The following DLC1 variants were observed in gnomAD, a reference collection of about 807,000 sequenced individuals.
DLC1 encodes the protein DLC1 Rho GTPase activating protein.
In DLC1, 54 loss-of-function variants were observed where a neutral mutation model predicts 140.3. The observed-to-expected ratio is 0.38, with a 90% CI of 0.31 to 0.48. The LOEUF (loss-of-function observed/expected upper bound fraction) is 0.48. DLC1 is among the 20% of genes least tolerant of loss of function. The pLI, the probability that DLC1 is intolerant of heterozygous loss-of-function variation, is 0.96. For missense variants in DLC1, 2,536 were observed against 1,907.0 expected (o/e 1.33, Z -6.14); for synonymous variants, 986 against 728.1 (o/e 1.35, Z -5.70).
At chr8:13,335,902 A>G (rs1343487696) in intron 4 of DLC1, among the ~76,000 whole-genome samples, 1 of 38,892 alleles carries the variant, frequency 2.6e-5, no homozygotes, top group Non-Finnish European at 7.1e-5. Flanking sequence ...ATTTCAAAAT[A>G]TGATTTTTTT....
chr8:13,086,631 G>A (rs1014198744), intron 16 of DLC1, among the ~76,000 whole-genome samples, 168 bp from the exon 17 acceptor site: 2 of 152,210 alleles, frequency 1.3e-5, no homozygotes, highest in African/African-American at 4.8e-5. Context: ...TTGCTATGGT[G>A]TACATGTGTT....
At chr8:13,105,177 G>A (rs973893504) in intron 7 of DLC1, among the ~76,000 whole-genome samples, 1 of 152,136 alleles carries the variant, frequency 6.6e-6, no homozygotes, top group Non-Finnish European at 1.5e-5. Flanking sequence ...AGACCCAGGA[G>A]GCCAGTTCTA....
intron 2 of DLC1, among the ~76,000 whole-genome samples, chr8:13,413,061 G>A (rs2117306123): frequency 6.6e-6 from 1 of 151,954 alleles, no homozygotes; most frequent in South Asian, 2.1e-4. Context: ...GTCCTTGTGC[G>A]GGGCATAACC....
chr8:13,544,471 A>G (rs1159013448), intron 1 of DLC1, among the ~76,000 whole-genome samples: 1 of 152,166 alleles, frequency 6.6e-6, no homozygotes, highest in South Asian at 2.1e-4. Context: ...GGTCTGAGAA[A>G]ATGAACTTTA....
chr8:13,159,055 T>A (rs1197197961), intron 5 of DLC1, among the ~76,000 whole-genome samples: 1 of 152,122 alleles, frequency 6.6e-6, no homozygotes, highest in Non-Finnish European at 1.5e-5. Context: ...CAGGCAGAGA[T>A]AGGAGTTTTG....
intron 2 of DLC1, among the ~76,000 whole-genome samples, chr8:13,437,176 A>G: frequency 6.6e-6 from 1 of 152,164 alleles, no homozygotes; most frequent in East Asian, 1.9e-4. Context: ...TGACAAGTTG[A>G]GAAGTGAAGG....
intron 1 of DLC1, among the ~76,000 whole-genome samples, chr8:13,546,433 T>C (rs1458191794): frequency 2.0e-5 from 3 of 152,162 alleles, no homozygotes; most frequent in Non-Finnish European, 2.9e-5. Flanking sequence ...TTGCATCCTT[T>C]ATATTGAACT....
At chr8:13,459,166 G>T (rs1799544127) in intron 2 of DLC1, among the ~76,000 whole-genome samples, 1 of 152,162 alleles carries the variant, frequency 6.6e-6, no homozygotes, top group Admixed American at 6.5e-5. Context: ...CTAAAAATTA[G>T]TTCTCTTGAA....
intron 2 of DLC1, among the ~76,000 whole-genome samples, chr8:13,468,325 T>TTCCCCCCCCC (rs1800038221): frequency 9.0e-6 from 1 of 111,632 alleles, no homozygotes; most frequent in Non-Finnish European, 2.1e-5. Context: ...TTCTCTCTCT[T>TTCCCCCCCCC]TCCCTTCCCC....
intron 1 of DLC1, among the ~76,000 whole-genome samples, chr8:13,538,403 C>T (rs749885014): frequency 6.6e-6 from 1 of 151,924 alleles, no homozygotes; most frequent in Non-Finnish European, 1.5e-5. Flanking sequence ...TATTTCAGAT[C>T]TGGTGAGACT....
intron 1 of DLC1, among the ~76,000 whole-genome samples, chr8:13,534,480 A>G (rs1803203161): frequency 6.6e-6 from 1 of 152,204 alleles, no homozygotes; most frequent in Non-Finnish European, 1.5e-5. Flanking sequence ...CTGTTCTGGA[A>G]GTCCCACAGC....
chr8:13,437,580 G>C (rs187573421), intron 2 of DLC1, among the ~76,000 whole-genome samples: 1 of 152,114 alleles, frequency 6.6e-6, no homozygotes, highest in Non-Finnish European at 1.5e-5. Context: ...TCATTTAATG[G>C]CTATGCCTGA....
intron 5 of DLC1, among the ~76,000 whole-genome samples, chr8:13,222,338 G>A (rs1269383722): frequency 1.3e-5 from 2 of 152,104 alleles, no homozygotes; most frequent in African/African-American, 4.8e-5. Flanking sequence ...AGATTATTCT[G>A]TATTGGATTT....
chr8:13,291,837 G>C (rs953613415), intron 5 of DLC1, among the ~76,000 whole-genome samples: 1 of 152,140 alleles, frequency 6.6e-6, no homozygotes, highest in African/African-American at 2.4e-5. Context: ...TGAAGTCATG[G>C]GAAATAATAG....
intron 5 of DLC1, among the ~76,000 whole-genome samples, chr8:13,175,695 G>C (rs927244183): frequency 2.6e-5 from 4 of 152,276 alleles, no homozygotes; most frequent in African/African-American, 4.8e-5. Context: ...CCGCAGACTT[G>C]AGTCAGATTT....
rs890964027 is a variant in DLC1, at chr8:13,231,219, GA to G, written c.1348+74049del. Among the ~76,000 whole-genome samples the G allele has an allele frequency of 9.9e-3, 1,423 of 143,990 alleles. 12 individuals carry two copies. Among genetic ancestry groups the G allele is most frequent in the African/African-American group, 0.02 (778 of 39,510 alleles). The allele number at this position is 143,990 out of a possible 152,430, so 94.5% of individuals were successfully genotyped here. A position where few individuals can be genotyped will look rare whatever the true frequency, so the allele number is the denominator to read the frequency against. On this transcript the variant is annotated intron_variant, in intron 5 of 17. Transcript: ENST00000276297. The stretch of plus-strand genomic sequence containing the variant: ...GCCTTTTAAATCCTGACAGGAAGAT[GA>G]AAAAAAAAAAATCAAGTGCGGGATT...
intron 5 of DLC1, among the ~76,000 whole-genome samples, chr8:13,223,286 C>A (rs1828645636): frequency 6.6e-6 from 1 of 152,124 alleles, no homozygotes; most frequent in Non-Finnish European, 1.5e-5. Context: ...AACAACCCCG[C>A]CCCCAGCAAC....
intron 5 of DLC1, among the ~76,000 whole-genome samples, chr8:13,239,484 A>G (rs928793959): frequency 6.6e-6 from 1 of 152,194 alleles, no homozygotes; most frequent in Non-Finnish European, 1.5e-5. Flanking sequence ...TCACAGGCAC[A>G]TAATTGCCAA....
chr8:13,162,732 G>C (rs1014422688), intron 5 of DLC1, among the ~76,000 whole-genome samples: 5 of 152,090 alleles, frequency 3.3e-5, no homozygotes, highest in African/African-American at 1.2e-4. Flanking sequence ...TTGAGGCCGG[G>C]AGTTGGAAAC....
Sources: gnomAD v4.1 joint callset for allele counts (sites outside exome capture counted in the v4.1 genomes callset) on GRCh38, gnomAD v4.1.1 for gene constraint, MANE v1.5 for transcripts, NCBI Gene and HGNC (gene_info 2026-07-23, HGNC 2026-07-21) for gene names.